MARCHF8: variants seen among roughly 807,000 people sequenced by gnomAD.
The protein encoded by MARCHF8 is E3 ubiquitin-protein ligase MARCHF8.
A neutral mutation model predicts 51.6 loss-of-function variants in MARCHF8; 40 were observed. The observed-to-expected ratio is 0.77, with a 90% CI of 0.60 to 1.01. The LOEUF is 1.01. Among genes scored for constraint, MARCHF8 ranks in the 50% least tolerant of loss-of-function variants. The probability of loss-of-function intolerance (pLI) is 0.00; values close to 1 mark genes in which losing one functional copy is unlikely to be tolerated. For synonymous variants in MARCHF8, 263 were observed against 280.3 expected (o/e 0.94, Z 0.62); for missense variants, 685 against 708.6 (o/e 0.97, Z 0.38).
intron 3 of MARCHF8, among the ~76,000 whole-genome samples, chr10:45,486,198 A>G (rs1453011346): frequency 6.6e-6 from 1 of 152,180 alleles, no homozygotes; most frequent in African/African-American, 2.4e-5. Flanking sequence ...ATACTCTCCA[A>G]TGACCATAGT....
intron 3 of MARCHF8, among the ~76,000 whole-genome samples, chr10:45,486,235 C>CT (rs2042976796): frequency 1.3e-5 from 2 of 152,186 alleles, no homozygotes; most frequent in African/African-American, 4.8e-5. Flanking sequence ...ACTGGACACA[C>CT]TAAGTGTCCA....
At chr10:45,500,992 C>T (rs1018355624) in intron 2 of MARCHF8, among the ~76,000 whole-genome samples, 4 of 151,842 alleles carry the variant, frequency 2.6e-5, no homozygotes, top group African/African-American at 9.7e-5. Flanking sequence ...AATCTGATTG[C>T]TGATGCTGCA....
chr10:45,464,145 T>C (rs998829117), intron 4 of MARCHF8, 94 bp downstream of exon 4: 11 of 1,561,982 alleles, frequency 7.0e-6, no homozygotes, highest in East Asian at 6.7e-5. Context: ...CAAAGGCAGA[T>C]TGATTAAGCA....
At chr10:45,496,264 CAT>C (rs1358790192) in intron 2 of MARCHF8, among the ~76,000 whole-genome samples, 1 of 151,992 alleles carries the variant, frequency 6.6e-6, no homozygotes, top group African/African-American at 2.4e-5. Context: ...ATATATTTTG[CAT>C]ATATATTTTC....
intron 2 of MARCHF8, among the ~76,000 whole-genome samples, chr10:45,531,096 GA>G (rs1301042726): frequency 6.6e-6 from 1 of 152,038 alleles, no homozygotes; most frequent in Non-Finnish European, 1.5e-5. Context: ...AATGCAGAAA[GA>G]AAAAATAACC....
chr10:45,513,755 T>A (rs1414751182), intron 2 of MARCHF8, among the ~76,000 whole-genome samples: 1 of 152,206 alleles, frequency 6.6e-6, no homozygotes, highest in East Asian at 1.9e-4. Context: ...AAATTACATG[T>A]CTGGCTTACA....
chr10:45,566,639 T>C (rs1175325119), intron 1 of MARCHF8, among the ~76,000 whole-genome samples: 2 of 152,212 alleles, frequency 1.3e-5, no homozygotes, highest in Non-Finnish European at 2.9e-5. Context: ...AGTACTCCAC[T>C]GTGTATCACA....
intron 2 of MARCHF8, among the ~76,000 whole-genome samples, chr10:45,517,557 T>C (rs2043639982): frequency 6.6e-6 from 1 of 152,154 alleles, no homozygotes; most frequent in Non-Finnish European, 1.5e-5. Context: ...GACAACACTC[T>C]CCCTCTGCCT....
chr10:45,594,870 G>C (rs528153675), exon 1 of MARCHF8: 1 of 152,324 alleles, frequency 6.6e-6, no homozygotes, highest in South Asian at 2.1e-4. Context: ...CGCGTCGCCT[G>C]TTTACACCCT....
chr10:45,472,678 T>C (rs904683021), intron 3 of MARCHF8, among the ~76,000 whole-genome samples: 1 of 152,336 alleles, frequency 6.6e-6, no homozygotes, highest in East Asian at 1.9e-4. Context: ...ATTGGGAAAT[T>C]GTTTTAAACC....
chr10:45,469,580 T>C (rs1459900959), intron 3 of MARCHF8, among the ~76,000 whole-genome samples: 2 of 152,108 alleles, frequency 1.3e-5, no homozygotes, highest in Non-Finnish European at 2.9e-5. Flanking sequence ...TAAAAGCTAC[T>C]TCTGGCCAGG....
intron 3 of MARCHF8, 87 bp downstream of exon 3, chr10:45,489,277 CAAA>C (rs75451569): frequency 2.3e-4 from 177 of 777,124 alleles, no homozygotes; most frequent in South Asian, 4.8e-4. Context: ...AACGTCTTTT[CAAA>C]AAAAAAAAAA....
chr10:45,552,297 G>C (rs2044204827), intron 1 of MARCHF8, among the ~76,000 whole-genome samples: 1 of 146,764 alleles, frequency 6.8e-6, no homozygotes, highest in African/African-American at 2.5e-5. Flanking sequence ...CTGGCACACA[G>C]GTGGTAGAAT....
intron 1 of MARCHF8, among the ~76,000 whole-genome samples, chr10:45,571,875 A>G (rs571250375): frequency 1.3e-5 from 2 of 152,188 alleles, no homozygotes; most frequent in East Asian, 1.9e-4. Flanking sequence ...TTATCCGTGG[A>G]CCCAAAACTC....
At chr10:45,461,087 A>G in intron 6 of MARCHF8, 144 bp downstream of exon 6, 1 of 497,586 alleles carries the variant, frequency 2.0e-6, no homozygotes, top group Non-Finnish European at 3.3e-6. Flanking sequence ...CAGAAACAAC[A>G]ATCTCTACAA....
At chr10:45,518,156 C>T (rs2043649849) in intron 2 of MARCHF8, among the ~76,000 whole-genome samples, 1 of 152,118 alleles carries the variant, frequency 6.6e-6, no homozygotes, top group Non-Finnish European at 1.5e-5. Flanking sequence ...AGATAAAAGG[C>T]CTGATGACTA....
chr10:45,542,541 AG>A (rs1828270600), intron 1 of MARCHF8, among the ~76,000 whole-genome samples: 1 of 152,124 alleles, frequency 6.6e-6, no homozygotes, highest in Admixed American at 6.6e-5. Flanking sequence ...GATAATTTAT[AG>A]TATATGTAGC....
At chr10:45,571,885 C>T (rs113588255) in intron 1 of MARCHF8, among the ~76,000 whole-genome samples, 1 of 152,180 alleles carries the variant, frequency 6.6e-6, no homozygotes, top group South Asian at 2.1e-4. Context: ...ACCCAAAACT[C>T]CAGCACCAGT....
chr10:45,538,024 T>C (rs554488721), upstream of MARCHF8, among the ~76,000 whole-genome samples: 14 of 152,238 alleles, frequency 9.2e-5, no homozygotes, highest in African/African-American at 3.1e-4. Flanking sequence ...TGTTGCCCTA[T>C]CTCACTCACC....
Sources: allele counts gnomAD v4.1 joint callset (sites outside exome capture counted in the v4.1 genomes callset), GRCh38; gene constraint gnomAD v4.1.1; transcripts MANE v1.5; gene names NCBI Gene and HGNC (gene_info 2026-07-23, HGNC 2026-07-21).